Variants in GRIA1 observed in about 807,000 individuals in gnomAD.
GRIA1 encodes glutamate receptor 1.
GRIA1 carries 31 observed loss-of-function variants against 99.2 expected under a neutral mutation model. The ratio of observed to expected loss-of-function variants is 0.31; its 90% CI spans 0.23 to 0.42. The LOEUF (loss-of-function observed/expected upper bound fraction) is 0.42. GRIA1 is among the 10% of genes least tolerant of loss of function. The pLI is 1.00. For missense variants in GRIA1, 782 were observed against 1,157.5 expected (o/e 0.68, Z 4.71); for synonymous variants, 438 against 432.4 (o/e 1.01, Z -0.16).
chr5:153,572,791 C>T (rs114837524), intron 2 of GRIA1, among the ~76,000 whole-genome samples: 1 of 152,194 alleles, frequency 6.6e-6, no homozygotes, highest in South Asian at 2.1e-4. Context: ...GAGGCTGCTT[C>T]TTCTTCAAAG....
chr5:153,759,944 A>G (rs930838183), intron 11 of GRIA1, among the ~76,000 whole-genome samples: 3 of 152,114 alleles, frequency 2.0e-5, no homozygotes, highest in Admixed American at 1.3e-4. Context: ...AAGAACACAA[A>G]TTAGATGATC....
intron 2 of GRIA1, among the ~76,000 whole-genome samples, chr5:153,555,551 C>G (rs1315769081): frequency 6.6e-6 from 1 of 152,128 alleles, no homozygotes; most frequent in Non-Finnish European, 1.5e-5. Flanking sequence ...GGTATTTTCC[C>G]CCTTCCTTAT....
intron 12 of GRIA1, among the ~76,000 whole-genome samples, chr5:153,768,688 G>A (rs1763680264): frequency 6.6e-6 from 1 of 152,086 alleles, no homozygotes; most frequent in South Asian, 2.1e-4. Flanking sequence ...TAATATCAAG[G>A]AAATAAACCT....
At chr5:153,525,258 C>G (rs772723710) in intron 2 of GRIA1, 1 of 152,356 alleles carries the variant, frequency 6.6e-6, no homozygotes, top group South Asian at 2.1e-4. Flanking sequence ...TCTGGAGACA[C>G]TTTTAAGTGT....
chr5:153,664,716 G>A (rs1755621971), intron 5 of GRIA1, among the ~76,000 whole-genome samples: 1 of 152,152 alleles, frequency 6.6e-6, no homozygotes, highest in South Asian at 2.1e-4. Context: ...ACAGTGTTAA[G>A]CACTCATGAG....
At chr5:153,738,127 A>G (rs182626813) in intron 11 of GRIA1, among the ~76,000 whole-genome samples, 61 of 152,314 alleles carry the variant, frequency 4.0e-4, no homozygotes, top group Non-Finnish European at 1.2e-4. Flanking sequence ...GGATGCAGAG[A>G]AAGGAAACTT....
At chr5:153,723,362 A>C (rs1219223099) in intron 11 of GRIA1, among the ~76,000 whole-genome samples, 7 of 152,214 alleles carry the variant, frequency 4.6e-5, no homozygotes, top group African/African-American at 1.7e-4. Flanking sequence ...TACCAGGTTC[A>C]TCTCACTAGG....
intron 4 of GRIA1, among the ~76,000 whole-genome samples, chr5:153,653,798 T>C (rs1420730766): frequency 1.3e-5 from 2 of 152,334 alleles, no homozygotes; most frequent in South Asian, 2.1e-4. Flanking sequence ...TGGCATATAA[T>C]TTATGTTAAA....
At chr5:153,758,235 T>C (rs1223651505) in intron 11 of GRIA1, among the ~76,000 whole-genome samples, 1 of 151,986 alleles carries the variant, frequency 6.6e-6, no homozygotes, top group Non-Finnish European at 1.5e-5. Context: ...ATTGCTTAAA[T>C]TATCCAATTA....
At chr5:153,609,114 C>T (rs1309973938) in intron 2 of GRIA1, among the ~76,000 whole-genome samples, 1 of 152,166 alleles carries the variant, frequency 6.6e-6, no homozygotes, top group Non-Finnish European at 1.5e-5. Context: ...TTTCATCTTT[C>T]TATTTCTGGC....
At chr5:153,573,482 T>G (rs1762290003) in intron 2 of GRIA1, among the ~76,000 whole-genome samples, 1 of 152,134 alleles carries the variant, frequency 6.6e-6, no homozygotes, top group African/African-American at 2.4e-5. Flanking sequence ...CTGCAATCAT[T>G]ATTAGTAACA....
At chr5:153,768,738 AATG>A (rs1701890224) in intron 12 of GRIA1, among the ~76,000 whole-genome samples, 1 of 152,226 alleles carries the variant, frequency 6.6e-6, no homozygotes, top group Non-Finnish European at 1.5e-5. Flanking sequence ...CTGCATGTAT[AATG>A]ATAATTTTAT....
intron 3 of GRIA1, among the ~76,000 whole-genome samples, chr5:153,649,268 T>C (rs576049631): frequency 7.2e-5 from 11 of 152,282 alleles, no homozygotes; most frequent in African/African-American, 2.6e-4. Flanking sequence ...AGTACATTTG[T>C]GTTGTTTTAA....
At chr5:153,676,652 A>AT (rs931112527) in intron 6 of GRIA1, among the ~76,000 whole-genome samples, 1 of 152,074 alleles carries the variant, frequency 6.6e-6, no homozygotes, top group East Asian at 1.9e-4. Context: ...TAATCTATGC[A>AT]TTTTTTCCCA....
chr5:153,732,896 G>A (rs1761138286), intron 11 of GRIA1, among the ~76,000 whole-genome samples: 3 of 147,106 alleles, frequency 2.0e-5, no homozygotes, highest in African/African-American at 7.5e-5. Flanking sequence ...CTGATTTTTT[G>A]TGCGTAGTAC....
intron 13 of GRIA1, among the ~76,000 whole-genome samples, chr5:153,781,995 A>G (rs926703997): frequency 6.6e-6 from 1 of 152,182 alleles, no homozygotes; most frequent in Admixed American, 6.5e-5. Context: ...TGGTTTTCTC[A>G]TTTTTAATAG....
chr5:153,602,869 A>G (rs1011478394), intron 2 of GRIA1, among the ~76,000 whole-genome samples: 2 of 151,984 alleles, frequency 1.3e-5, no homozygotes, highest in African/African-American at 4.8e-5. Flanking sequence ...AATAGTCACA[A>G]CCCTTAAGTT....
At chr5:153,505,641 T>C (rs1444352828) in intron 2 of GRIA1, among the ~76,000 whole-genome samples, 1 of 152,230 alleles carries the variant, frequency 6.6e-6, no homozygotes, top group Non-Finnish European at 1.5e-5. Context: ...AAATGGTTTG[T>C]TTTGCAGCAA....
Position 153,551,645 on chromosome 5 carries a change from G to C in GRIA1, c.220+57580G>C, listed in dbSNP as rs75729851. Among the ~76,000 whole-genome samples, 1,108 of 152,232 alleles carry C rather than the reference G, an allele frequency of 7.3e-3. 17 individuals are homozygous for C. Among genetic ancestry groups the C allele is most frequent in the East Asian group, 0.067 (345 of 5,166 alleles). The stretch of plus-strand genomic sequence containing the variant: ...ACCTTCAGAAGGCTCCTTCTCCCAG[G>C]AGTAGTCTTTGCATTATTCATAGCC... On this transcript the variant is annotated intron_variant, in intron 2 of 15. Transcript: ENST00000285900.
Sources: gnomAD v4.1 joint callset for allele counts (sites outside exome capture counted in the v4.1 genomes callset) on GRCh38, gnomAD v4.1.1 for gene constraint, MANE v1.5 for transcripts, NCBI Gene and HGNC (gene_info 2026-07-23, HGNC 2026-07-21) for gene names.